PUDP: variants seen among roughly 807,000 people sequenced by gnomAD.
The protein encoded by PUDP is pseudouridine-5'-phosphatase.
Under a neutral mutation model 9.4 loss-of-function variants are expected in PUDP, and 8 were observed. That is an observed-to-expected ratio of 0.85 (90% CI 0.50 to 1.53). The LOEUF (loss-of-function observed/expected upper bound fraction) is 1.53, where lower values mean the gene tolerates loss of function less well. Among genes scored for constraint, PUDP ranks in the 40% most tolerant of loss-of-function variants. PUDP has a pLI of 0.00. For missense variants in PUDP, 188 were observed against 189.7 expected, an observed-to-expected ratio of 0.99 and a Z score of 0.05; for synonymous variants, 99 against 80.7, an observed-to-expected ratio of 1.23 and a Z score of -1.22.
In PUDP at chrX:6,936,036, G is replaced by A. The variant is rs1445139675; in HGVS notation, c.*247+41097C>T. ...GAGTCCAGGACCAGGTGGATTCACA[G>A]CCGAATTCTACCAGAGGTACAAGGA... On this transcript the variant is annotated intron_variant and NMD_transcript_variant, in intron 3 of 3. Transcript: ENST00000655425. Among the ~76,000 whole-genome samples, 464 of 110,986 alleles carry A rather than the reference G, an allele frequency of 4.2e-3. 3 individuals are homozygous for A. The highest frequency in any genetic ancestry group is 6.4e-3 in the Non-Finnish European group (337 of 52,954).
At chrX:7,147,257 C>G (rs1322380568) in intron 1 of PUDP, among the ~76,000 whole-genome samples, 1 of 111,268 alleles carries the variant, frequency 9.0e-6, no homozygotes, top group East Asian at 2.8e-4. Context: ...CCAGCTTCTA[C>G]ATTTACAAGT....
At chrX:6,870,406 A>G (rs1460756816) in intron 3 of PUDP, among the ~76,000 whole-genome samples, 2 of 111,659 alleles carry the variant, frequency 1.8e-5, no homozygotes, top group Admixed American at 9.5e-5. Flanking sequence ...GTGATAGTGA[A>G]TAAGTCTCAT....
At chrX:7,055,892 C>T (rs949543458) in intron 3 of PUDP, among the ~76,000 whole-genome samples, 3 of 111,783 alleles carry the variant, frequency 2.7e-5, no homozygotes, top group East Asian at 2.8e-4. Context: ...ACACAGTTTC[C>T]GTCTGCCACA....
At chrX:6,748,495 C>A (rs1002452240) in intron 3 of PUDP, among the ~76,000 whole-genome samples, 1 of 111,452 alleles carries the variant, frequency 9.0e-6, no homozygotes, top group African/African-American at 3.3e-5. Flanking sequence ...AAGACCTGAA[C>A]AGGCTGTTCA....
intron 3 of PUDP, among the ~76,000 whole-genome samples, chrX:6,849,413 G>C (rs1926795786): frequency 1.8e-5 from 2 of 111,510 alleles, no homozygotes; most frequent in Admixed American, 1.9e-4. Flanking sequence ...TCTGGTGTGA[G>C]AGTAGAAAGA....
intron 3 of PUDP, among the ~76,000 whole-genome samples, chrX:7,072,642 C>T (rs1930771696): frequency 9.2e-6 from 1 of 108,426 alleles, no homozygotes; most frequent in Non-Finnish European, 1.9e-5. Context: ...GGTGAAACCC[C>T]ATCTCTACTA....
intron 2 of PUDP, among the ~76,000 whole-genome samples, chrX:7,089,206 C>T (rs997494842): frequency 2.3e-4 from 26 of 111,594 alleles, no homozygotes; most frequent in African/African-American, 7.8e-4. Flanking sequence ...CTCGAAGTTA[C>T]TACCTGTAGT....
chrX:6,728,103 A>ACATCTCAC (rs1231073063), intron 3 of PUDP, among the ~76,000 whole-genome samples: 2 of 111,308 alleles, frequency 1.8e-5, no homozygotes, highest in Non-Finnish European at 3.8e-5. Context: ...GGCAAAAGGC[A>ACATCTCAC]TGTGTTACAT....
At chrX:6,723,432 CAAAAAAAA>C (rs549361509), upstream of PUDP, among the ~76,000 whole-genome samples, 2 of 17,329 alleles carry the variant, frequency 1.2e-4, no homozygotes, top group Admixed American at 9.9e-4. Flanking sequence ...GAGGCTCTGT[CAAAAAAAA>C]AAAAAAAAAA....
At chrX:7,121,821 A>C (rs141481432) in intron 1 of PUDP, among the ~76,000 whole-genome samples, 1 of 111,895 alleles carries the variant, frequency 8.9e-6, no homozygotes, top group East Asian at 2.8e-4. Flanking sequence ...TAAATTCAGG[A>C]GAGCTCTACC....
chrX:6,979,250 C>T (rs1569134573), intron 1 of PUDP, among the ~76,000 whole-genome samples: 3 of 111,223 alleles, frequency 2.7e-5, no homozygotes. Flanking sequence ...AAATACCATG[C>T]AGGATCTTTG....
chrX:6,814,692 T>C (rs1926199445), intron 3 of PUDP, among the ~76,000 whole-genome samples: 1 of 111,968 alleles, frequency 8.9e-6, no homozygotes, highest in Admixed American at 9.5e-5. Flanking sequence ...CGTTTAATTC[T>C]GACGTGAGTA....
intron 3 of PUDP, among the ~76,000 whole-genome samples, chrX:6,907,854 CA>C (rs776013911): frequency 4.5e-5 from 5 of 111,830 alleles, no homozygotes; most frequent in Non-Finnish European, 9.4e-5. Context: ...AAGGGGGCAA[CA>C]TAAACAGAAA....
intron 3 of PUDP, among the ~76,000 whole-genome samples, chrX:7,074,415 C>T (rs1004779961): frequency 2.7e-5 from 3 of 112,758 alleles, no homozygotes; most frequent in East Asian, 2.8e-4. Flanking sequence ...CCACATGAAA[C>T]ACCATGTTTC....
At chrX:6,970,720 A>G (rs1409324544) in intron 3 of PUDP, among the ~76,000 whole-genome samples, 3 of 111,880 alleles carry the variant, frequency 2.7e-5, no homozygotes, top group Non-Finnish European at 5.6e-5. Context: ...CCATAAAGTT[A>G]TACAAGAGGA....
At chrX:6,708,460 A>G (rs1217240283) in intron 1 of PUDP, among the ~76,000 whole-genome samples, 1 of 111,840 alleles carries the variant, frequency 8.9e-6, no homozygotes, top group Non-Finnish European at 1.9e-5. Context: ...GAGATTAATG[A>G]GATTGTATCT....
intron 1 of PUDP, among the ~76,000 whole-genome samples, chrX:7,140,969 G>A (rs931875355): frequency 2.7e-5 from 3 of 111,445 alleles, no homozygotes; most frequent in African/African-American, 6.5e-5. Context: ...ACCATGAACC[G>A]CACCCATATA....
chrX:6,953,365 G>A (rs1302260623), intron 3 of PUDP, among the ~76,000 whole-genome samples: 1 of 110,784 alleles, frequency 9.0e-6, no homozygotes, highest in Non-Finnish European at 1.9e-5. Context: ...GTTCATGGTT[G>A]GGATAAAAGA....
chrX:6,916,191 TACACACACAC>T (rs747162229), intron 3 of PUDP, among the ~76,000 whole-genome samples: 7,091 of 69,708 alleles, frequency 0.1, 380 homozygotes, highest in African/African-American at 0.14. Context: ...ATGCTTTTTC[TACACACACAC>T]ACACACACAC....
Sources: gnomAD v4.1 joint callset for allele counts (sites outside exome capture counted in the v4.1 genomes callset) on GRCh38, gnomAD v4.1.1 for gene constraint, MANE v1.5 for transcripts, NCBI Gene and HGNC (gene_info 2026-07-23, HGNC 2026-07-21) for gene names.